The following KLHL22 variants were observed in gnomAD, a reference collection of about 807,000 sequenced individuals.
KLHL22 encodes kelch like family member 22, also known as kelch-like protein 22.
Under a neutral mutation model 60.7 loss-of-function variants are expected in KLHL22, and 18 were observed. The ratio of observed to expected loss-of-function variants is 0.30; its 90% confidence interval spans 0.20 to 0.44. The LOEUF (loss-of-function observed/expected upper bound fraction) is 0.44, where lower values mean the gene tolerates loss of function less well. Ranked by LOEUF, KLHL22 falls within the 20% of genes least tolerant of loss-of-function variation. KLHL22 has a pLI of 1.00. For synonymous variants in KLHL22, 355 were observed against 354.5 expected (o/e 1.00, Z -0.01); for missense variants, 596 against 852.3 (o/e 0.70, Z 3.74).
chr22:20,482,612 G>A (rs906796815), intron 2 of KLHL22, among the ~76,000 whole-genome samples: 5 of 150,890 alleles, frequency 3.3e-5, no homozygotes, highest in Admixed American at 6.6e-5. Context: ...TCACTCTGTC[G>A]CCCAGGCTGG....
intron 5 of KLHL22, among the ~76,000 whole-genome samples, chr22:20,448,845 TA>T (rs953521970): frequency 6.6e-6 from 1 of 152,212 alleles, no homozygotes; most frequent in African/African-American, 2.4e-5. Context: ...TCCATGAGCA[TA>T]GTTTCCCTGC....
At position 20,441,916 on chromosome 22, in the gene KLHL22, C is replaced by T. The variant is rs2052763746; in HGVS notation, c.*157G>A. On this transcript the variant is annotated 3_prime_UTR_variant, in exon 7 of 7. Transcript: ENST00000328879. ...CCCTGAGATGCCTGCGGCAGGCTGG[C>T]CAAGGGGCTGGTGTGAAGAAAGAGG... 1.5e-6 allele frequency: 1 copy of T among 676,612 alleles called. No homozygotes were observed. Among genetic ancestry groups the T allele is most frequent in the Non-Finnish European group, 2.3e-6 (1 of 441,764 alleles). The allele number at this position is 676,612 out of a possible 1,614,324, so 41.9% of individuals were successfully genotyped here.
rs1056663415 is a variant in KLHL22, at chr22:20,470,604, G to A, written c.393+746C>T. ...GTTGAGGCTGCAGTGAGCTGTGATC[G>A]TGCCACTGCACTCCAGCCTGGGCAA... On this transcript the variant is annotated intron_variant, in intron 3 of 6. Coordinates refer to ENST00000328879, the MANE Select transcript of KLHL22 (RefSeq NM_032775.4). 3.9e-5 allele frequency among the ~76,000 whole-genome samples: 6 copies of A among 152,138 alleles called. No homozygotes were observed. In the East Asian group the frequency reaches 7.7e-4, roughly 20 times the overall value.
chr22:20,475,911 C>T (rs1164045783), intron 2 of KLHL22, among the ~76,000 whole-genome samples: 1 of 152,178 alleles, frequency 6.6e-6, no homozygotes, highest in Admixed American at 6.5e-5. Context: ...CAGGAATAGT[C>T]TCCTTTCGTT....
chr22:20,488,594 CAG>C lies in KLHL22; in HGVS notation c.227+389_227+390del, dbSNP rs1381584239. 4 of 222,052 alleles carry C rather than the reference CAG, an allele frequency of 1.8e-5. No individual in the cohort carries two copies. In the East Asian group the frequency reaches 5.1e-4, roughly 28 times the overall value. The allele number at this position is 222,052 out of a possible 1,614,324, so 13.8% of individuals were successfully genotyped here. ...GGGCCACAGAGCTCACTGGGAGGGCCAGAGGCTAACACCTGAGGGATGAGAGG... is the reference window on the plus strand; with the variant it reads ...GGGCCACAGAGCTCACTGGGAGGGCCAGGCTAACACCTGAGGGATGAGAGG... On this transcript the variant is annotated intron_variant, in intron 2 of 6. Transcript: ENST00000328879.
chr22:20,494,144 TG>T (rs1198091011), intron 1 of KLHL22, among the ~76,000 whole-genome samples: 1 of 149,848 alleles, frequency 6.7e-6, no homozygotes, highest in Non-Finnish European at 1.5e-5. Context: ...CCCAGTGCCT[TG>T]GGAGGTCCAG....
At position 20,441,721 on chromosome 22, in the gene KLHL22, C is replaced by T. The variant is rs143021121; in HGVS notation, c.*352G>A. 462 of 230,326 alleles carry T rather than the reference C, an allele frequency of 2.0e-3. 4 individuals are homozygous for T. Among genetic ancestry groups the T allele is most frequent in the African/African-American group, 9.3e-3 (412 of 44,214 alleles). 14.3% of individuals were successfully genotyped at this position (230,326 alleles called of 1,614,324 possible). On this transcript the variant is annotated 3_prime_UTR_variant, in exon 7 of 7. Transcript: ENST00000328879. ...CCCATTCACAGAAAGAGGGCTACCA[C>T]GTGCCTCAGCCCCCCTGCCCAGGCT...
intron 1 of KLHL22, chr22:20,491,787 C>T (rs2053695907): frequency 6.6e-6 from 1 of 152,208 alleles, no homozygotes; most frequent in Admixed American, 6.5e-5. Context: ...GGCTCAGGGC[C>T]ACCCCCAACC....
At chr22:20,442,942 G>C (rs903114750) in intron 6 of KLHL22, among the ~76,000 whole-genome samples, 1 of 152,206 alleles carries the variant, frequency 6.6e-6, no homozygotes, top group Non-Finnish European at 1.5e-5. Context: ...AATTCCTTGC[G>C]GAGTAGTCAA....
chr22:20,493,823 G>A (rs1356591340), intron 1 of KLHL22, among the ~76,000 whole-genome samples: 1 of 151,508 alleles, frequency 6.6e-6, no homozygotes, highest in African/African-American at 2.4e-5. Flanking sequence ...AGCACTTTGG[G>A]AGGCCAACGT....
chr22:20,483,004 G>C (rs576198705), intron 2 of KLHL22: 1 of 698,948 alleles, frequency 1.4e-6, no homozygotes, highest in Non-Finnish European at 2.6e-6. Flanking sequence ...TGACCTTAAC[G>C]TTCACCAGGG....
chr22:20,454,651 A>T (rs1316320957), intron 5 of KLHL22, among the ~76,000 whole-genome samples: 1 of 152,112 alleles, frequency 6.6e-6, no homozygotes, highest in Non-Finnish European at 1.5e-5. Flanking sequence ...ACCTTCCTGA[A>T]ATTTTGATAG....
intron 2 of KLHL22, among the ~76,000 whole-genome samples, chr22:20,473,383 C>T (rs558148588): frequency 1.1e-4 from 16 of 152,222 alleles, no homozygotes; most frequent in African/African-American, 3.6e-4. Context: ...CTGGGAGTCC[C>T]GTGATTGTGT....
intron 3 of KLHL22, among the ~76,000 whole-genome samples, chr22:20,470,719 C>CATGGATGG (rs566014622): frequency 8.4e-5 from 12 of 143,498 alleles, no homozygotes; most frequent in Non-Finnish European, 1.7e-4. Flanking sequence ...TGGATGCATG[C>CATGGATGG]ATGGATGGAT....
At chr22:20,484,387 C>G (rs2053553984) in intron 2 of KLHL22, among the ~76,000 whole-genome samples, 1 of 152,128 alleles carries the variant, frequency 6.6e-6, no homozygotes, top group Non-Finnish European at 1.5e-5. Flanking sequence ...CTCCACCTCC[C>G]AGGCTCAAGC....
At chr22:20,460,638 A>C (rs2053139280) in intron 4 of KLHL22, among the ~76,000 whole-genome samples, 2 of 148,306 alleles carry the variant, frequency 1.3e-5, no homozygotes, top group South Asian at 4.2e-4. Flanking sequence ...AAAAAAAAAA[A>C]AAAAAAAAAG....
intron 2 of KLHL22, among the ~76,000 whole-genome samples, chr22:20,478,715 A>C (rs1203113153): frequency 2.8e-5 from 4 of 144,928 alleles, no homozygotes; most frequent in African/African-American, 7.6e-5. Flanking sequence ...GGGGTTTCAC[A>C]GTGTTAGCCA....
chr22:20,454,253 A>G (rs1333296706), intron 5 of KLHL22, among the ~76,000 whole-genome samples: 2 of 152,022 alleles, frequency 1.3e-5, no homozygotes. Context: ...CACTTGAACC[A>G]GGGAGGCAGA....
chr22:20,489,882 T>C, intron 1 of KLHL22: 3 of 451,982 alleles, frequency 6.6e-6, no homozygotes, highest in South Asian at 4.9e-5. Flanking sequence ...GCACAGTAAC[T>C]GTGATTGAAC....
Sources: allele counts gnomAD v4.1 joint callset (sites outside exome capture counted in the v4.1 genomes callset), GRCh38; gene constraint gnomAD v4.1.1; transcripts MANE v1.5; gene names NCBI Gene and HGNC (gene_info 2026-07-23, HGNC 2026-07-21).